SLC41A2: variants seen among roughly 807,000 people sequenced by gnomAD.
SLC41A2 encodes the protein SLC41A1-like 1.
A neutral mutation model predicts 58.3 loss-of-function variants in SLC41A2; 32 were observed. That is an observed-to-expected ratio of 0.55 (90% confidence interval 0.41 to 0.74). The LOEUF (loss-of-function observed/expected upper bound fraction) is 0.74. SLC41A2 is among the 30% of genes least tolerant of loss of function. The probability of loss-of-function intolerance (pLI) is 0.00; values close to 1 mark genes in which losing one functional copy is unlikely to be tolerated. For missense variants in SLC41A2, 514 were observed against 680.6 expected (o/e 0.76, Z 2.72); for synonymous variants, 190 against 235.0 (o/e 0.81, Z 1.75).
intron 6 of SLC41A2, among the ~76,000 whole-genome samples, chr12:104,879,341 T>C (rs1001521495): frequency 2.6e-5 from 4 of 152,258 alleles, no homozygotes; most frequent in African/African-American, 9.6e-5. Context: ...ATTTTGGCTT[T>C]TGTTGCCATT....
At chr12:104,855,194 TTTA>T (rs1311249644) in intron 8 of SLC41A2, among the ~76,000 whole-genome samples, 2 of 152,220 alleles carry the variant, frequency 1.3e-5, no homozygotes, top group South Asian at 2.1e-4. Flanking sequence ...TTCTAAGATG[TTTA>T]TTGTTTTATA....
chr12:104,875,837 T>A (rs1565863174), intron 6 of SLC41A2, among the ~76,000 whole-genome samples: 1 of 152,154 alleles, frequency 6.6e-6, no homozygotes, highest in African/African-American at 2.4e-5. Flanking sequence ...TTGGAAGTAT[T>A]TCCTCTAGTT....
intron 2 of SLC41A2, among the ~76,000 whole-genome samples, chr12:104,917,635 C>G (rs990909892): frequency 2.6e-5 from 4 of 151,616 alleles, no homozygotes; most frequent in Admixed American, 2.0e-4. Flanking sequence ...CCATGGAATA[C>G]TATGCAGCCA....
At chr12:104,897,289 G>T (rs1352590891) in intron 3 of SLC41A2, among the ~76,000 whole-genome samples, 1 of 151,676 alleles carries the variant, frequency 6.6e-6, no homozygotes, top group Non-Finnish European at 1.5e-5. Flanking sequence ...GTGATTACAG[G>T]TGCCCACCAC....
intron 2 of SLC41A2, among the ~76,000 whole-genome samples, chr12:104,925,785 G>A (rs1221430419): frequency 1.3e-5 from 2 of 152,086 alleles, no homozygotes; most frequent in East Asian, 3.9e-4. Flanking sequence ...TAACACCTTA[G>A]TCCTATAGAT....
intron 10 of SLC41A2, among the ~76,000 whole-genome samples, chr12:104,810,769 G>A (rs952803589): frequency 6.6e-6 from 1 of 152,102 alleles, no homozygotes; most frequent in African/African-American, 2.4e-5. Context: ...AGAGCATATG[G>A]TCCACTAATC....
intron 8 of SLC41A2, among the ~76,000 whole-genome samples, chr12:104,851,534 T>C (rs1451196166): frequency 1.3e-5 from 2 of 151,916 alleles, no homozygotes; most frequent in African/African-American, 4.8e-5. Flanking sequence ...CAGGTATGCA[T>C]CACAATGCCT....
At chr12:104,826,839 AC>A (rs1358698968) in intron 10 of SLC41A2, among the ~76,000 whole-genome samples, 1 of 152,232 alleles carries the variant, frequency 6.6e-6, no homozygotes, top group Non-Finnish European at 1.5e-5. Context: ...AACCTGATGG[AC>A]GCTGAGAAGC....
intron 10 of SLC41A2, among the ~76,000 whole-genome samples, chr12:104,810,422 G>A (rs1172232601): frequency 7.2e-5 from 11 of 151,948 alleles, no homozygotes; most frequent in Admixed American, 6.6e-4. Flanking sequence ...AATATTACAT[G>A]TTTACATATT....
At chr12:104,911,630 G>A (rs766189822) in intron 2 of SLC41A2, among the ~76,000 whole-genome samples, 19 of 152,138 alleles carry the variant, frequency 1.2e-4, no homozygotes, top group Non-Finnish European at 2.6e-4. Context: ...ATAAATGAAG[G>A]AAAATTTTGA....
chr12:104,926,319 G>A (rs1444401360), intron 2 of SLC41A2, among the ~76,000 whole-genome samples: 1 of 152,090 alleles, frequency 6.6e-6, no homozygotes, highest in Non-Finnish European at 1.5e-5. Flanking sequence ...CCTACAAATC[G>A]GCTAGACATG....
At chr12:104,946,191 A>T (rs1309170383) in intron 1 of SLC41A2, among the ~76,000 whole-genome samples, 1 of 152,238 alleles carries the variant, frequency 6.6e-6, no homozygotes, top group East Asian at 1.9e-4. Context: ...AGGAGTTTTA[A>T]ATTCAAGTTA....
At chr12:104,816,803 T>A (rs184246975) in intron 10 of SLC41A2, among the ~76,000 whole-genome samples, 2 of 152,276 alleles carry the variant, frequency 1.3e-5, no homozygotes, top group East Asian at 3.9e-4. Flanking sequence ...CAATCCCAAA[T>A]TGAGGACAGT....
intron 10 of SLC41A2, among the ~76,000 whole-genome samples, chr12:104,819,444 A>G (rs1357925195): frequency 6.6e-6 from 1 of 152,234 alleles, no homozygotes; most frequent in Non-Finnish European, 1.5e-5. Flanking sequence ...GAAGTTAGAA[A>G]AAGAACAATA....
intron 8 of SLC41A2, among the ~76,000 whole-genome samples, chr12:104,859,372 G>A (rs186252087): frequency 6.6e-6 from 1 of 152,304 alleles, no homozygotes; most frequent in Non-Finnish European, 1.5e-5. Flanking sequence ...GAGTGAGTCA[G>A]GAAGCCTACT....
At chr12:104,917,288 C>T (rs2046370782) in intron 2 of SLC41A2, among the ~76,000 whole-genome samples, 2 of 150,892 alleles carry the variant, frequency 1.3e-5, no homozygotes, top group Non-Finnish European at 3.0e-5. Flanking sequence ...CCATCTCACA[C>T]CAGTTAGAAT....
At chr12:104,886,856 C>A (rs1404459814) in intron 5 of SLC41A2, among the ~76,000 whole-genome samples, 1 of 151,814 alleles carries the variant, frequency 6.6e-6, no homozygotes, top group East Asian at 1.9e-4. Flanking sequence ...AGAAGGCCAA[C>A]AAAACCAGAT....
chr12:104,865,113 G>A (rs992554968), intron 7 of SLC41A2, among the ~76,000 whole-genome samples: 1 of 152,162 alleles, frequency 6.6e-6, no homozygotes, highest in African/African-American at 2.4e-5. Context: ...ACAAGGGTTA[G>A]TATCTGCAGA....
intron 10 of SLC41A2, among the ~76,000 whole-genome samples, chr12:104,815,325 T>A (rs2041346588): frequency 6.6e-6 from 1 of 152,220 alleles, no homozygotes; most frequent in Admixed American, 6.5e-5. Context: ...TGTTTTTATA[T>A]CATCTGTTTG....
Sources: allele counts gnomAD v4.1 joint callset (sites outside exome capture counted in the v4.1 genomes callset), GRCh38; gene constraint gnomAD v4.1.1; transcripts MANE v1.5; gene names NCBI Gene and HGNC (gene_info 2026-07-23, HGNC 2026-07-21).